TSPAN14: variants seen among roughly 807,000 people sequenced by gnomAD.
TSPAN14 encodes tetraspanin 14.
A neutral mutation model predicts 36.6 loss-of-function variants in TSPAN14; 16 were observed. That is an observed-to-expected ratio of 0.44 (90% CI 0.30 to 0.66). The LOEUF is 0.66. TSPAN14 is among the 30% of genes least tolerant of loss of function. The pLI, the probability that TSPAN14 is intolerant of heterozygous loss-of-function variation, is 0.12. For synonymous variants in TSPAN14, 139 were observed against 143.8 expected, an observed-to-expected ratio of 0.97 and a Z score of 0.24; for missense variants, 231 against 355.1, an observed-to-expected ratio of 0.65 and a Z score of 2.81.
At chr10:80,473,538 T>A (rs2131977439) in intron 1 of TSPAN14, among the ~76,000 whole-genome samples, 1 of 152,132 alleles carries the variant, frequency 6.6e-6, no homozygotes, top group African/African-American at 2.4e-5. Flanking sequence ...GGGCCCACCT[T>A]CCCCACACTG....
chr10:80,512,405 T>TCAAGG, intron 6 of TSPAN14, 136 bp downstream of exon 6: 1 of 1,294,384 alleles, frequency 7.7e-7, no homozygotes, highest in Middle Eastern at 2.8e-4. Context: ...CACACCCTCC[T>TCAAGG]CAAGGCTGCC....
chr10:80,494,864 G>A (rs1031371978), intron 2 of TSPAN14, among the ~76,000 whole-genome samples: 8 of 151,926 alleles, frequency 5.3e-5, no homozygotes, highest in South Asian at 2.1e-4. Flanking sequence ...TTGTAATTTC[G>A]TGGAAATTCA....
intron 1 of TSPAN14, among the ~76,000 whole-genome samples, chr10:80,486,715 T>C (rs1320367686): frequency 6.6e-6 from 1 of 152,138 alleles, no homozygotes; most frequent in Non-Finnish European, 1.5e-5. Context: ...GGCGGGATTG[T>C]CTTGTCCATA....
intron 1 of TSPAN14, among the ~76,000 whole-genome samples, chr10:80,481,141 G>C (rs1341739920): frequency 6.6e-6 from 1 of 151,992 alleles, no homozygotes; most frequent in African/African-American, 2.4e-5. Flanking sequence ...AAATGTTTCA[G>C]ACATACTGGA....
At chr10:80,513,756 T>A (rs1840779405) in intron 6 of TSPAN14, among the ~76,000 whole-genome samples, 1 of 152,246 alleles carries the variant, frequency 6.6e-6, no homozygotes, top group Non-Finnish European at 1.5e-5. Flanking sequence ...TTCCTGTTTG[T>A]TTACAGATTG....
chr10:80,486,722 C>T (rs1031092903), intron 1 of TSPAN14, among the ~76,000 whole-genome samples: 2 of 152,016 alleles, frequency 1.3e-5, no homozygotes, highest in African/African-American at 4.8e-5. Flanking sequence ...TTGTCTTGTC[C>T]ATAAAAAAAG....
intron 1 of TSPAN14, among the ~76,000 whole-genome samples, chr10:80,476,334 C>A (rs1846885482): frequency 6.6e-6 from 1 of 151,448 alleles, no homozygotes; most frequent in Non-Finnish European, 1.5e-5. Context: ...TGCGCCATTG[C>A]ACTTGAGCCT....
intron 2 of TSPAN14, among the ~76,000 whole-genome samples, chr10:80,497,644 A>G (rs906495403): frequency 1.3e-5 from 2 of 152,142 alleles, no homozygotes; most frequent in Non-Finnish European, 2.9e-5. Flanking sequence ...TCCTGGGGGT[A>G]CTGCCTATCA....
At chr10:80,488,729 G>T (rs973226859) in intron 1 of TSPAN14, among the ~76,000 whole-genome samples, 3 of 152,272 alleles carry the variant, frequency 2.0e-5, no homozygotes, top group Non-Finnish European at 4.4e-5. Context: ...CCCAAACATG[G>T]CTCTTTGTGG....
chr10:80,478,478 G>A (rs1445040732), intron 1 of TSPAN14, among the ~76,000 whole-genome samples: 1 of 152,180 alleles, frequency 6.6e-6, no homozygotes, highest in Admixed American at 6.5e-5. Flanking sequence ...TAGGTTATTA[G>A]CTTCTCTATG....
intron 5 of TSPAN14, among the ~76,000 whole-genome samples, 190 bp from the exon 6 acceptor site, chr10:80,511,954 T>C (rs939278541): frequency 6.6e-6 from 1 of 152,056 alleles, no homozygotes; most frequent in African/African-American, 2.4e-5. Flanking sequence ...CCTAGCTGTT[T>C]TCTTCTTAAA....
At chr10:80,518,290 C>A (rs987115015) in exon 9 of TSPAN14, 10 of 420,448 alleles carry the variant, frequency 2.4e-5, no homozygotes, top group Admixed American at 2.4e-4. Flanking sequence ...TTGACTCAGA[C>A]CCCCTGCAGC....
intron 2 of TSPAN14, among the ~76,000 whole-genome samples, chr10:80,504,333 T>C (rs776364837): frequency 5.9e-5 from 9 of 152,168 alleles, no homozygotes; most frequent in Non-Finnish European, 1.0e-4. Context: ...TCATCCTGTG[T>C]TGGGAACCTC....
At chr10:80,505,342 T>G (rs1840229201) in intron 3 of TSPAN14, among the ~76,000 whole-genome samples, 1 of 151,334 alleles carries the variant, frequency 6.6e-6, no homozygotes, top group South Asian at 2.1e-4. Flanking sequence ...GGGATGAGAC[T>G]GGATATGGGC....
chr10:80,503,482 G>T (rs1246197996), intron 2 of TSPAN14, among the ~76,000 whole-genome samples: 1 of 152,024 alleles, frequency 6.6e-6, no homozygotes, highest in Non-Finnish European at 1.5e-5. Context: ...GGCCCTCCCT[G>T]GGCCCCAGTG....
chr10:80,472,440 T>A (rs112171362), intron 1 of TSPAN14, among the ~76,000 whole-genome samples: 156 of 152,300 alleles, frequency 1.0e-3, no homozygotes, highest in African/African-American at 3.6e-3. Context: ...TATGGTGATG[T>A]CTGCTGGGTT....
At chr10:80,496,180 G>A (rs1479001227) in intron 2 of TSPAN14, among the ~76,000 whole-genome samples, 1 of 151,954 alleles carries the variant, frequency 6.6e-6, no homozygotes, top group African/African-American at 2.4e-5. Flanking sequence ...CACCTTGATT[G>A]GTGTTCTTAT....
chr10:80,491,042 G>A (rs1252023907), intron 2 of TSPAN14, among the ~76,000 whole-genome samples: 1 of 152,152 alleles, frequency 6.6e-6, no homozygotes, highest in Admixed American at 6.5e-5. Flanking sequence ...GACTTACTAA[G>A]CCTTCTCAGC....
At chr10:80,485,762 G>A (rs541712693) in intron 1 of TSPAN14, 66 of 843,396 alleles carry the variant, frequency 7.8e-5, no homozygotes, top group Admixed American at 5.6e-4. Context: ...AGCGGGGAGC[G>A]GAGAAGGAAA....
Sources: allele counts gnomAD v4.1 joint callset (sites outside exome capture counted in the v4.1 genomes callset), GRCh38; gene constraint gnomAD v4.1.1; transcripts MANE v1.5; gene names NCBI Gene and HGNC (gene_info 2026-07-23, HGNC 2026-07-21).